The following ACTR5 variants were observed in gnomAD, a reference collection of about 807,000 sequenced individuals.
ACTR5 encodes actin related protein 5, also known as actin-related protein 5.
Under a neutral mutation model 61.2 loss-of-function variants are expected in ACTR5, and 43 were observed. That is an observed-to-expected ratio of 0.70 (90% CI 0.55 to 0.91). The LOEUF is 0.91. ACTR5 is among the 40% of genes least tolerant of loss of function. The pLI, the probability that ACTR5 is intolerant of heterozygous loss-of-function variation, is 0.00. For synonymous variants in ACTR5, 333 were observed against 310.5 expected (o/e 1.07, Z -0.76); for missense variants, 798 against 782.2 (o/e 1.02, Z -0.24).
chr20:38,763,615 G>C (rs1974743180), intron 5 of ACTR5, among the ~76,000 whole-genome samples: 1 of 152,230 alleles, frequency 6.6e-6, no homozygotes. Context: ...TTGGAACTGA[G>C]CAGTTCTGCC....
At chr20:38,750,867 G>C (rs2084383470) in intron 2 of ACTR5, among the ~76,000 whole-genome samples, 1 of 152,140 alleles carries the variant, frequency 6.6e-6, no homozygotes, top group Admixed American at 6.6e-5. Flanking sequence ...CTGACCTCAA[G>C]TGATCCACCC....
Position 38,748,838 on chromosome 20 carries a change from G to A in ACTR5, c.360G>A (p.Leu120=), listed in dbSNP as rs146785318. ...ELLLDYSFQH[L]GVSSQGCVDH... is the part of the protein sequence containing the mutation. ...TGCTGGACTACAGCTTCCAGCACCT[G>A]GGTGTCTCCTCACAGGTGAAGGGCG... The change falls in exon 1 of 9, where the codon CTG becomes CTA. Residue 120 remains leucine (L), a synonymous_variant. Coordinates refer to ENST00000243903, the MANE Select transcript of ACTR5 (RefSeq NM_024855.4). 1,476 of 1,607,908 alleles carry A rather than the reference G, an allele frequency of 9.2e-4. 2 individuals are homozygous for A. The highest frequency in any genetic ancestry group is 1.2e-3 in the Non-Finnish European group (1,368 of 1,178,468).
Position 38,754,968 on chromosome 20 carries a change from T to C in ACTR5, c.787T>C (p.Trp263Arg). Residue 263 changes from tryptophan (W) to arginine (R), a missense_variant, in exon 4 of 9, where the codon TGG becomes CGG. Trp to Arg is a moderately radical substitution (Grantham distance 101). Transcript: ENST00000243903. ...AEDYVEELHK[W>R]RCPDYYENNV... ...TTGTTTCTTTGAAGAATTACACAAA[T>C]GGCGGTGTCCTGATTATTATGAGAA... 1 of 1,613,692 alleles carries C rather than the reference T, an allele frequency of 6.2e-7. No individual in the cohort carries two copies. The highest frequency in any genetic ancestry group is 8.5e-7 in the Non-Finnish European group (1 of 1,179,892).
intron 2 of ACTR5, among the ~76,000 whole-genome samples, chr20:38,751,517 G>T (rs1404215946): frequency 6.6e-6 from 1 of 152,192 alleles, no homozygotes; most frequent in African/African-American, 2.4e-5. Context: ...GAATCATATC[G>T]TGTTCTATGC....
intron 5 of ACTR5, 92 bp from the exon 6 acceptor site, chr20:38,765,310 G>A: frequency 1.1e-6 from 1 of 896,110 alleles, no homozygotes; most frequent in African/African-American, 1.7e-5. Flanking sequence ...AGAACATTGG[G>A]CAAGATCCCA....
At chr20:38,765,160 G>A (rs926365137) in intron 5 of ACTR5, among the ~76,000 whole-genome samples, 1 of 152,196 alleles carries the variant, frequency 6.6e-6, no homozygotes, top group Non-Finnish European at 1.5e-5. Flanking sequence ...TAGAGAAGGC[G>A]GGGGTTGGTG....
At chr20:38,760,524 G>A (rs2084447197) in intron 5 of ACTR5, among the ~76,000 whole-genome samples, 1 of 152,228 alleles carries the variant, frequency 6.6e-6, no homozygotes, top group Non-Finnish European at 1.5e-5. Flanking sequence ...GCTGCCATTT[G>A]CAAGCCAAGG....
chr20:38,752,337 T>C, intron 3 of ACTR5, 37 bp downstream of exon 3: 1 of 1,562,960 alleles, frequency 6.4e-7, no homozygotes, highest in Non-Finnish European at 8.7e-7. Flanking sequence ...CTTTTGGGTG[T>C]TGTCTACCTT....
At chr20:38,770,941 C>T (rs746746795) in intron 8 of ACTR5, among the ~76,000 whole-genome samples, 110 of 151,446 alleles carry the variant, frequency 7.3e-4, no homozygotes, top group Non-Finnish European at 1.3e-3. Context: ...GGAAGTGAGG[C>T]GGGTAACTCC....
intron 5 of ACTR5, among the ~76,000 whole-genome samples, chr20:38,765,139 T>A (rs1190087394): frequency 6.6e-6 from 1 of 152,174 alleles, no homozygotes; most frequent in Non-Finnish European, 1.5e-5. Flanking sequence ...GCTGGCACCA[T>A]CAGAAGGCTT....
intron 7 of ACTR5, 65 bp from the exon 8 acceptor site, chr20:38,767,399 C>A (rs1458091960): frequency 1.4e-6 from 2 of 1,386,340 alleles, no homozygotes; most frequent in Admixed American, 2.2e-5. Flanking sequence ...GCTTACATTT[C>A]TGCATCCACA....
chr20:38,748,745 A>G lies in ACTR5; in HGVS notation c.267A>G (p.Pro89=), dbSNP rs771230954. 7 of 1,591,678 alleles carry G rather than the reference A, an allele frequency of 4.4e-6. No homozygotes were observed. Among genetic ancestry groups the G allele is most frequent in the South Asian group, 3.4e-5 (3 of 88,500 alleles). ...GGAACGCTCTGGGCAGCCTGGAGCC[A>G]CTGCGCTGGATGCTGCGCTCGCCCT... is the stretch of plus-strand genomic sequence containing the variant. ...QVGNALGSLE[P]LRWMLRSPFD... is the part of the protein sequence containing the mutation. The change falls in exon 1 of 9, where the codon CCA becomes CCG. Residue 89 remains proline (P), a synonymous_variant. Coordinates refer to ENST00000243903, the MANE Select transcript of ACTR5 (RefSeq NM_024855.4).
intron 5 of ACTR5, among the ~76,000 whole-genome samples, chr20:38,762,585 A>G (rs879832208): frequency 1.3e-5 from 2 of 152,172 alleles, no homozygotes; most frequent in Non-Finnish European, 2.9e-5. Context: ...CCGGAGCCCA[A>G]GTGGAAAGAG....
At chr20:38,755,744 G>A (rs779311909) in intron 4 of ACTR5, 113 bp from the exon 5 acceptor site, 58 of 1,089,926 alleles carry the variant, frequency 5.3e-5, no homozygotes, top group Middle Eastern at 5.4e-4. Flanking sequence ...AGCTGGAGGC[G>A]TGGCTCTGGG....
rs1374019909 is a variant in ACTR5 at position 38,748,897 on chromosome 20, G to C, written c.375+44G>C. On this transcript the variant is annotated intron_variant, in intron 1 of 8. Coordinates refer to ENST00000243903, the MANE Select transcript of ACTR5 (RefSeq NM_024855.4). The stretch of plus-strand genomic sequence containing the variant: ...TGGGCTGGGCTGGGTTTGAGGGGAG[G>C]GGTGCGGTCTCGTCTCCGCTCACTC... The C allele has an allele frequency of 1.8e-5, 28 of 1,559,316 alleles. No homozygotes were observed. In the East Asian group the frequency reaches 6.3e-4, roughly 35 times the overall value.
At chr20:38,767,668 C>A in intron 8 of ACTR5, 72 bp downstream of exon 8, 2 of 1,502,828 alleles carry the variant, frequency 1.3e-6, no homozygotes, top group South Asian at 1.3e-5. Flanking sequence ...AAGTAATAAT[C>A]ATGCAGAAAT....
At chr20:38,756,604 T>C (rs2084421525) in intron 5 of ACTR5, among the ~76,000 whole-genome samples, 2 of 152,202 alleles carry the variant, frequency 1.3e-5, no homozygotes, top group African/African-American at 4.8e-5. Flanking sequence ...ACCCGTGCAC[T>C]GTTAATAAGT....
intron 3 of ACTR5, 52 bp from the exon 4 acceptor site, chr20:38,754,902 ATTG>A: frequency 6.3e-7 from 1 of 1,582,236 alleles, no homozygotes; most frequent in African/African-American, 1.3e-5. Flanking sequence ...ATTGACTTTA[ATTG>A]TTGTGTTAAT....
At chr20:38,755,589 C>CCCT (rs2084415260) in intron 4 of ACTR5, among the ~76,000 whole-genome samples, 1 of 141,036 alleles carries the variant, frequency 7.1e-6, no homozygotes, top group South Asian at 2.2e-4. Flanking sequence ...TCCTTCACAT[C>CCCT]CCCCGCCCCA....
Sources: gnomAD v4.1 joint callset for allele counts (sites outside exome capture counted in the v4.1 genomes callset) on GRCh38, gnomAD v4.1.1 for gene constraint, MANE v1.5 for transcripts, NCBI Gene and HGNC (gene_info 2026-07-23, HGNC 2026-07-21) for gene names.